CTCF: variants seen among roughly 807,000 people sequenced by gnomAD.
CTCF encodes the protein CCCTC-binding factor, also known as transcriptional repressor CTCF.
Under a neutral mutation model 72.3 loss-of-function variants are expected in CTCF, and 7 were observed. The ratio of observed to expected loss-of-function variants is 0.10; its 90% CI spans 0.06 to 0.18. CTCF has a LOEUF of 0.18. Ranked by LOEUF, CTCF falls within the 10% of genes least tolerant of loss-of-function variation. CTCF has a pLI of 1.00. For missense variants in CTCF, 516 were observed against 949.1 expected (o/e 0.54, Z 6.00); for synonymous variants, 374 against 315.8 (o/e 1.18, Z -1.95).
chr16:67,609,662 C>A (rs1206434813), intron 2 of CTCF, among the ~76,000 whole-genome samples: 1 of 145,774 alleles, frequency 6.9e-6, no homozygotes, highest in African/African-American at 2.5e-5. Context: ...CTCGCTCTGT[C>A]GCCCAGGCTG....
intron 10 of CTCF, 62 bp from the exon 11 acceptor site, chr16:67,636,625 TTTC>T: frequency 8.9e-7 from 1 of 1,124,312 alleles, no homozygotes. Flanking sequence ...ATATAATTGT[TTTC>T]TTTCATCTTC....
chr16:67,582,659 C>T (rs1597687949), intron 2 of CTCF, among the ~76,000 whole-genome samples: 2 of 152,080 alleles, frequency 1.3e-5, no homozygotes, highest in East Asian at 3.9e-4. Flanking sequence ...CGCCACTGCA[C>T]TCCATCCTGG....
At chr16:67,604,412 G>A (rs2051941662) in intron 2 of CTCF, among the ~76,000 whole-genome samples, 1 of 152,116 alleles carries the variant, frequency 6.6e-6, no homozygotes, top group Non-Finnish European at 1.5e-5. Flanking sequence ...GCGCGATCTT[G>A]GCTCATTGCA....
chr16:67,575,150 G>A (rs984372190), intron 2 of CTCF, among the ~76,000 whole-genome samples: 1 of 152,174 alleles, frequency 6.6e-6, no homozygotes, highest in Non-Finnish European at 1.5e-5. Context: ...TCAGGAGGCT[G>A]AGGCCGGAGG....
chr16:67,583,580 G>T (rs975746201), intron 2 of CTCF, among the ~76,000 whole-genome samples: 15 of 151,920 alleles, frequency 9.9e-5, no homozygotes, highest in African/African-American at 3.4e-4. Context: ...TCAGCCACTC[G>T]GGAGGCCGAG....
At chr16:67,579,860 G>A (rs35632730) in intron 2 of CTCF, among the ~76,000 whole-genome samples, 61 of 152,302 alleles carry the variant, frequency 4.0e-4, no homozygotes, top group African/African-American at 1.4e-3. Context: ...GAAAGACCTA[G>A]AATGTTCTGG....
At chr16:67,626,508 C>A in intron 7 of CTCF, 47 bp from the exon 8 acceptor site, 5 of 999,874 alleles carry the variant, frequency 5.0e-6, no homozygotes, top group South Asian at 2.5e-5. Flanking sequence ...TGTTAAAATG[C>A]TTGTTTGTGT....
chr16:67,608,271 CGGAGA>C (rs2052004513), intron 2 of CTCF, among the ~76,000 whole-genome samples: 1 of 148,060 alleles, frequency 6.8e-6, no homozygotes, highest in Non-Finnish European at 1.5e-5. Flanking sequence ...TTGCAGTGAG[CGGAGA>C]TCGTGCCACT....
intron 2 of CTCF, among the ~76,000 whole-genome samples, chr16:67,609,930 C>G (rs2052037271): frequency 6.6e-6 from 1 of 151,998 alleles, no homozygotes; most frequent in South Asian, 2.1e-4. Flanking sequence ...CCGGCCTGGC[C>G]TGATAATTCT....
chr16:67,608,819 A>C (rs577636453), intron 2 of CTCF, among the ~76,000 whole-genome samples: 1 of 151,752 alleles, frequency 6.6e-6, no homozygotes, highest in Non-Finnish European at 1.5e-5. Flanking sequence ...GCTCACCGCA[A>C]CCTCCACCTC....
intron 9 of CTCF, 128 bp downstream of exon 9, chr16:67,628,680 T>G: frequency 1.1e-6 from 1 of 916,432 alleles, no homozygotes; most frequent in East Asian, 2.4e-5. Context: ...TGGAAAGGGT[T>G]AGTCATCCCC....
chr16:67,618,167 G>T (rs1421761583), intron 5 of CTCF, among the ~76,000 whole-genome samples: 4 of 152,208 alleles, frequency 2.6e-5, no homozygotes, highest in African/African-American at 2.4e-5. Flanking sequence ...TACTTTGGGA[G>T]GTTGAGGTGG....
rs2142866767 is a variant in CTCF at position 67,628,449 on chromosome 16, G to A, written c.1598G>A (p.Arg533His). Residue 533 changes from arginine (R) to histidine (H), a missense_variant, in exon 9 of 12, where the codon CGC (arginine) becomes CAC (histidine). This residue lies in a region of CTCF where 81 missense variants were observed against 184.3 expected (regional missense o/e 0.44). Coordinates refer to ENST00000264010, the MANE Select transcript of CTCF (RefSeq NM_006565.4). ...YACSHCDKTF[R>H]QKQLLDMHFK... ...TGCAGCCACTGCGATAAGACCTTCC[G>A]CCAGAAGCAGCTTCTCGACATGCAC... is the stretch of plus-strand genomic sequence containing the variant. 1 of 1,614,188 alleles carries A rather than the reference G, an allele frequency of 6.2e-7. No homozygotes were observed. Among genetic ancestry groups the A allele is most frequent in the Non-Finnish European group, 8.5e-7 (1 of 1,180,042 alleles).
At chr16:67,576,140 T>TAAAA (rs561098313) in intron 2 of CTCF, among the ~76,000 whole-genome samples, 6 of 91,894 alleles carry the variant, frequency 6.5e-5, no homozygotes, top group African/African-American at 2.0e-4. Flanking sequence ...GACCCTGTCT[T>TAAAA]AAAAAAAAAA....
intron 2 of CTCF, among the ~76,000 whole-genome samples, chr16:67,607,164 C>T (rs2051985070): frequency 6.6e-6 from 1 of 151,842 alleles, no homozygotes. Context: ...GCCGTGTTGG[C>T]CAGGCTTGTC....
At chr16:67,579,725 C>A (rs1305369371) in intron 2 of CTCF, among the ~76,000 whole-genome samples, 1 of 152,074 alleles carries the variant, frequency 6.6e-6, no homozygotes, top group Non-Finnish European at 1.5e-5. Flanking sequence ...GAGAAAAATA[C>A]CCTAGTAGTA....
At chr16:67,619,386 C>T (rs989058354) in intron 5 of CTCF, among the ~76,000 whole-genome samples, 3 of 152,002 alleles carry the variant, frequency 2.0e-5, no homozygotes, top group African/African-American at 7.2e-5. Context: ...CAGTGACCCA[C>T]AATCGTGACA....
Position 67,604,342 on chromosome 16 carries a change from T to C in CTCF, c.-9-6482T>C, listed in dbSNP as rs185472625. ...CAATTTTTTTTGTTAGTTTTGTTTT[T>C]GTTTTGTTTGTTTGTTTTTGAGACA... is the stretch of plus-strand genomic sequence containing the variant. On this transcript the variant is annotated intron_variant, in intron 2 of 11. Transcript: ENST00000264010. Among the ~76,000 whole-genome samples, 4 of 152,056 alleles carry C rather than the reference T, an allele frequency of 2.6e-5. No homozygotes were observed. The East Asian group carries it at 7.7e-4, about 29-fold the overall frequency.
intron 2 of CTCF, among the ~76,000 whole-genome samples, chr16:67,601,252 G>GTGTCTTT (rs201556166): frequency 2.2e-5 from 3 of 136,958 alleles, no homozygotes; most frequent in Non-Finnish European, 4.7e-5. Flanking sequence ...GTGTGTGTGT[G>GTGTCTTT]TGTTTTGTTT....
Sources: gnomAD v4.1 joint callset for allele counts (sites outside exome capture counted in the v4.1 genomes callset) on GRCh38, gnomAD v4.1.1 for gene constraint, gnomAD v4.1.1 regional missense constraint, MANE v1.5 for transcripts, NCBI Gene and HGNC (gene_info 2026-07-23, HGNC 2026-07-21) for gene names.